FGF14: variants seen among roughly 807,000 people sequenced by gnomAD.
FGF14 encodes fibroblast growth factor 14, also known as fibroblast growth factor homologous factor 4.
A neutral mutation model predicts 25.5 loss-of-function variants in FGF14; 5 were observed. The ratio of observed to expected loss-of-function variants is 0.20; its 90% CI spans 0.10 to 0.41. FGF14 has a LOEUF of 0.41. FGF14 is among the 10% of genes least tolerant of loss of function. The pLI is 1.00. For missense variants in FGF14, 222 were observed against 320.1 expected (o/e 0.69, Z 2.34); for synonymous variants, 138 against 118.3 (o/e 1.17, Z -1.08).
At chr13:101,897,670 C>A (rs1467652332) in intron 1 of FGF14, among the ~76,000 whole-genome samples, 4 of 152,090 alleles carry the variant, frequency 2.6e-5, no homozygotes, top group Admixed American at 6.5e-5. Context: ...GTTTGATAAT[C>A]TACAACTTTG....
intron 1 of FGF14, among the ~76,000 whole-genome samples, chr13:101,915,790 C>T (rs552792930): frequency 1.3e-5 from 2 of 152,344 alleles, no homozygotes; most frequent in East Asian, 3.9e-4. Context: ...CCCCGCAATT[C>T]GGATTCTTTC....
At chr13:102,010,482 A>C (rs1168735912) in intron 1 of FGF14, among the ~76,000 whole-genome samples, 3 of 152,162 alleles carry the variant, frequency 2.0e-5, no homozygotes, top group African/African-American at 7.2e-5. Flanking sequence ...CTATGATGTA[A>C]CCACTGAGAA....
intron 1 of FGF14, among the ~76,000 whole-genome samples, chr13:102,225,072 C>T (rs1260555927): frequency 1.3e-5 from 2 of 152,114 alleles, no homozygotes; most frequent in Admixed American, 6.6e-5. Flanking sequence ...CACGTCTCAG[C>T]CCTGTCTTAC....
At chr13:102,095,358 G>A (rs1375366853) in intron 1 of FGF14, among the ~76,000 whole-genome samples, 2 of 152,114 alleles carry the variant, frequency 1.3e-5, no homozygotes, top group East Asian at 1.9e-4. Context: ...CAGTTTGGCA[G>A]AAGGGTTCCA....
At chr13:102,113,597 T>C (rs2045332696) in intron 1 of FGF14, among the ~76,000 whole-genome samples, 1 of 152,212 alleles carries the variant, frequency 6.6e-6, no homozygotes, top group Non-Finnish European at 1.5e-5. Flanking sequence ...TTTTTCAAAA[T>C]GCACACATCA....
rs929303339 is a variant in FGF14, at chr13:101,714,696, G to A, written c.*8135C>T. ...CTACCAAAGGCGAAGTGGGCATTTG[G>A]GAAAAAGCCCTCACAAAAGCCTCAC... On this transcript the variant is annotated 3_prime_UTR_variant, in exon 5 of 5. Coordinates refer to ENST00000376143, the MANE Select transcript of FGF14 (RefSeq NM_004115.4). The A allele has an allele frequency of 1.5e-5, 9 of 614,740 alleles. No homozygotes were observed. The African/African-American group carries it at 1.5e-4, about 10-fold the overall frequency. 38.1% of individuals were successfully genotyped at this position (614,740 alleles called of 1,614,324 possible). A position where few individuals can be genotyped will look rare whatever the true frequency, so the allele number is the denominator to read the frequency against.
intron 1 of FGF14, among the ~76,000 whole-genome samples, chr13:101,995,249 T>C (rs2039120668): frequency 6.6e-6 from 1 of 152,090 alleles, no homozygotes; most frequent in African/African-American, 2.4e-5. Context: ...CATGCGTATG[T>C]TTTATGTGTG....
intron 1 of FGF14, among the ~76,000 whole-genome samples, chr13:102,175,339 G>A (rs895960716): frequency 3.3e-5 from 5 of 152,174 alleles, no homozygotes; most frequent in African/African-American, 9.6e-5. Flanking sequence ...ATAAACAACG[G>A]AGAAAGACAC....
chr13:102,000,066 A>G (rs1023978267), intron 1 of FGF14, among the ~76,000 whole-genome samples: 1 of 152,250 alleles, frequency 6.6e-6, no homozygotes, highest in African/African-American at 2.4e-5. Context: ...CTGTAATCCC[A>G]GCACTTTGGG....
chr13:101,814,692 G>A (rs567122379), intron 3 of FGF14, among the ~76,000 whole-genome samples: 65 of 152,158 alleles, frequency 4.3e-4, no homozygotes, highest in Middle Eastern at 3.4e-3. Context: ...TTTCATGCTT[G>A]GCTTCTTTCA....
intron 1 of FGF14, among the ~76,000 whole-genome samples, chr13:101,955,260 T>C (rs925368759): frequency 2.6e-5 from 4 of 152,254 alleles, no homozygotes; most frequent in African/African-American, 9.6e-5. Flanking sequence ...AGGAATCTCT[T>C]TGAACTAGTA....
chr13:102,361,277 G>A (rs1373128774), intron 1 of FGF14, among the ~76,000 whole-genome samples: 1 of 152,154 alleles, frequency 6.6e-6, no homozygotes, highest in Non-Finnish European at 1.5e-5. Context: ...TCCAGGAGAG[G>A]AGGTGAGCCA....
chr13:102,354,908 A>C (rs1441524110), intron 1 of FGF14, among the ~76,000 whole-genome samples: 1 of 152,082 alleles, frequency 6.6e-6, no homozygotes, highest in Non-Finnish European at 1.5e-5. Context: ...AGTTTGAGTT[A>C]CCTTATTTGT....
At chr13:102,187,342 T>C (rs186935205) in intron 1 of FGF14, among the ~76,000 whole-genome samples, 35 of 152,318 alleles carry the variant, frequency 2.3e-4, no homozygotes, top group Admixed American at 2.0e-3. Context: ...TCATATACTC[T>C]TGTTTGAGAA....
intron 1 of FGF14, among the ~76,000 whole-genome samples, chr13:102,055,868 C>A (rs866138481): frequency 2.6e-5 from 4 of 152,084 alleles, no homozygotes; most frequent in African/African-American, 9.7e-5. Flanking sequence ...GCTGGGGAGG[C>A]CTCACAATCA....
intron 2 of FGF14, among the ~76,000 whole-genome samples, chr13:101,870,975 A>AATAAATACATAC (rs1555302665): frequency 3.1e-4 from 46 of 150,492 alleles, no homozygotes; most frequent in African/African-American, 9.1e-4. Flanking sequence ...TAAATAAATA[A>AATAAATACATAC]ATACATACAT....
At chr13:101,991,715 C>CA (rs2038916698) in intron 1 of FGF14, among the ~76,000 whole-genome samples, 1 of 151,996 alleles carries the variant, frequency 6.6e-6, no homozygotes. Context: ...AAGCCAGTAT[C>CA]AGTAGGAACA....
At chr13:102,246,856 T>G (rs919424790) in intron 1 of FGF14, among the ~76,000 whole-genome samples, 1 of 151,942 alleles carries the variant, frequency 6.6e-6, no homozygotes, top group Non-Finnish European at 1.5e-5. Flanking sequence ...AGTGCTGCAG[T>G]AACCAAAACA....
chr13:102,180,521 C>T (rs1368589097), intron 1 of FGF14, among the ~76,000 whole-genome samples: 2 of 152,042 alleles, frequency 1.3e-5, no homozygotes, highest in Admixed American at 6.6e-5. Flanking sequence ...CCATGTTGGC[C>T]AGGCTGGTTT....
Sources: allele counts gnomAD v4.1 joint callset (sites outside exome capture counted in the v4.1 genomes callset), GRCh38; gene constraint gnomAD v4.1.1; transcripts MANE v1.5; gene names NCBI Gene and HGNC (gene_info 2026-07-23, HGNC 2026-07-21).